Variants in STK39 observed in about 807,000 individuals in gnomAD.
STK39 encodes STE20/SPS1-related proline-alanine-rich protein kinase.
In STK39, 20 loss-of-function variants were observed where a neutral mutation model predicts 77.8. The ratio of observed to expected loss-of-function variants is 0.26; its 90% CI spans 0.18 to 0.37. The LOEUF is 0.37. Among genes scored for constraint, STK39 ranks in the 10% least tolerant of loss-of-function variants. STK39 has a pLI of 1.00. For synonymous variants in STK39, 246 were observed against 234.1 expected, an observed-to-expected ratio of 1.05 and a Z score of -0.47; for missense variants, 479 against 656.5, an observed-to-expected ratio of 0.73 and a Z score of 2.95.
At chr2:168,242,596 T>TATATAA (rs1690796732) in intron 1 of STK39, among the ~76,000 whole-genome samples, 4 of 95,856 alleles carry the variant, frequency 4.2e-5, no homozygotes, top group African/African-American at 1.6e-4. Flanking sequence ...TATATATATA[T>TATATAA]AAAGAGGCCA....
intron 1 of STK39, among the ~76,000 whole-genome samples, chr2:168,221,192 T>G (rs1221549585): frequency 6.6e-6 from 1 of 152,156 alleles, no homozygotes; most frequent in Non-Finnish European, 1.5e-5. Context: ...ATTTGTCGAG[T>G]TCTTAGAACA....
intron 2 of STK39, among the ~76,000 whole-genome samples, chr2:168,172,751 CTAAA>C (rs201730460): frequency 0.011 from 1,687 of 152,236 alleles, 17 homozygotes; most frequent in Middle Eastern, 0.024. Flanking sequence ...TATGTAAATC[CTAAA>C]TAAATTATTC....
At chr2:167,998,847 T>C (rs1232842564) in intron 16 of STK39, among the ~76,000 whole-genome samples, 1 of 152,210 alleles carries the variant, frequency 6.6e-6, no homozygotes, top group Non-Finnish European at 1.5e-5. Flanking sequence ...TTTGCTTGTC[T>C]ATCTGTGGTT....
chr2:168,145,774 T>G (rs1688121545), intron 5 of STK39, among the ~76,000 whole-genome samples: 1 of 151,724 alleles, frequency 6.6e-6, no homozygotes, highest in South Asian at 2.1e-4. Context: ...GCTGGGGGGG[T>G]TCTGATAGCA....
At chr2:168,170,991 A>G (rs1688809543) in intron 2 of STK39, among the ~76,000 whole-genome samples, 1 of 152,232 alleles carries the variant, frequency 6.6e-6, no homozygotes, top group Non-Finnish European at 1.5e-5. Context: ...CAGGCAACAC[A>G]TTTGCCAAAA....
intron 10 of STK39, among the ~76,000 whole-genome samples, chr2:168,103,877 T>C (rs1197219293): frequency 1.3e-5 from 2 of 152,244 alleles, no homozygotes; most frequent in African/African-American, 4.8e-5. Flanking sequence ...GACTTTAACT[T>C]ATCTAAAGAG....
chr2:168,065,114 G>T (rs1165501053), intron 13 of STK39, among the ~76,000 whole-genome samples: 1 of 152,094 alleles, frequency 6.6e-6, no homozygotes, highest in East Asian at 1.9e-4. Flanking sequence ...GAGCAGTCTG[G>T]TAATCAATTC....
At chr2:168,205,908 C>A (rs1006452752) in intron 1 of STK39, among the ~76,000 whole-genome samples, 3 of 152,116 alleles carry the variant, frequency 2.0e-5, no homozygotes, top group African/African-American at 7.2e-5. Flanking sequence ...CCCTTAGTGG[C>A]AAATTTTTGA....
intron 15 of STK39, among the ~76,000 whole-genome samples, chr2:168,014,048 A>G (rs1553514092): frequency 6.6e-6 from 1 of 152,178 alleles, no homozygotes; most frequent in Non-Finnish European, 1.5e-5. Context: ...CTGCCATTTT[A>G]CTGATTCCAT....
At chr2:168,067,929 G>A (rs7579908) in intron 12 of STK39, among the ~76,000 whole-genome samples, 2,925 of 152,200 alleles carry the variant, frequency 0.019, 80 homozygotes, top group African/African-American at 0.067. Context: ...TAATAGACTC[G>A]CAGGTTCACA....
At chr2:168,194,481 T>C (rs917546809) in intron 1 of STK39, among the ~76,000 whole-genome samples, 1 of 152,086 alleles carries the variant, frequency 6.6e-6, no homozygotes. Context: ...ATTCCCTCTA[T>C]CTCATAACAT....
intron 1 of STK39, among the ~76,000 whole-genome samples, chr2:168,221,966 A>G (rs1690183183): frequency 6.6e-6 from 1 of 152,162 alleles, no homozygotes; most frequent in African/African-American, 2.4e-5. Context: ...TTTAATAAGT[A>G]TGGTTCCACT....
chr2:168,097,254 C>A (rs144005306), intron 10 of STK39, among the ~76,000 whole-genome samples: 67 of 152,332 alleles, frequency 4.4e-4, no homozygotes, highest in African/African-American at 1.5e-3. Context: ...TGTGCAAATG[C>A]ACAGTTGACT....
intron 14 of STK39, among the ~76,000 whole-genome samples, chr2:168,023,458 G>C (rs1471253944): frequency 6.6e-6 from 1 of 152,162 alleles, no homozygotes; most frequent in African/African-American, 2.4e-5. Context: ...TGGAGGTGCA[G>C]AAGGCAGGTG....
At chr2:168,038,965 T>C (rs988543571) in intron 14 of STK39, among the ~76,000 whole-genome samples, 2 of 152,016 alleles carry the variant, frequency 1.3e-5, no homozygotes, top group Non-Finnish European at 2.9e-5. Flanking sequence ...AAATGGAAAA[T>C]CCACTTTGCA....
At chr2:168,109,966 G>T (rs1381909035) in intron 10 of STK39, among the ~76,000 whole-genome samples, 1 of 152,114 alleles carries the variant, frequency 6.6e-6, no homozygotes, top group Non-Finnish European at 1.5e-5. Context: ...CCTTAAAAAT[G>T]TCTTTTCCCA....
chr2:167,972,972 T>C (rs1477023054), intron 16 of STK39, among the ~76,000 whole-genome samples: 3 of 152,194 alleles, frequency 2.0e-5, no homozygotes, highest in African/African-American at 7.2e-5. Flanking sequence ...AGAAACTGCA[T>C]GCTTTCCTGG....
intron 14 of STK39, among the ~76,000 whole-genome samples, chr2:168,046,039 C>A (rs1240024407): frequency 6.6e-6 from 1 of 152,132 alleles, no homozygotes; most frequent in African/African-American, 2.4e-5. Context: ...ACATATCGAT[C>A]AACCCTACCC....
intron 5 of STK39, among the ~76,000 whole-genome samples, chr2:168,156,470 G>C (rs1688431371): frequency 6.6e-6 from 1 of 152,270 alleles, no homozygotes; most frequent in East Asian, 1.9e-4. Context: ...GGAAACTGAT[G>C]GGAAAAAGAA....
Sources: allele counts gnomAD v4.1 joint callset (sites outside exome capture counted in the v4.1 genomes callset), GRCh38; gene constraint gnomAD v4.1.1; transcripts MANE v1.5; gene names NCBI Gene and HGNC (gene_info 2026-07-23, HGNC 2026-07-21).